TENM3: variants seen among roughly 807,000 people sequenced by gnomAD.
TENM3 encodes the protein teneurin transmembrane protein 3, also known as teneurin-3.
TENM3 carries 63 observed loss-of-function variants against 255.1 expected under a neutral mutation model. The observed-to-expected ratio is 0.25, with a 90% CI of 0.20 to 0.30. The LOEUF (loss-of-function observed/expected upper bound fraction) is 0.30, where lower values mean the gene tolerates loss of function less well. Ranked by LOEUF, TENM3 falls within the 10% of genes least tolerant of loss-of-function variation. TENM3 has a pLI of 1.00. For missense variants in TENM3, 2,929 were observed against 3,461.1 expected (o/e 0.85, Z 3.86); for synonymous variants, 1,306 against 1,322.3 (o/e 0.99, Z 0.27).
chr4:181,546,605 T>C, the TENM3 span, among the ~76,000 whole-genome samples: 1 of 140,436 alleles, frequency 7.1e-6, no homozygotes, highest in Non-Finnish European at 1.5e-5. Flanking sequence ...TCCCAGCTAC[T>C]CGGGAGGCTG....
chr4:182,310,769 C>T (rs748183761), intron 1 of TENM3, among the ~76,000 whole-genome samples: 4 of 152,014 alleles, frequency 2.6e-5, no homozygotes, highest in Admixed American at 6.5e-5. Flanking sequence ...TGCAGTGGCA[C>T]GATCTTGGCT....
the TENM3 span, among the ~76,000 whole-genome samples, chr4:181,576,153 G>A: frequency 5.3e-5 from 8 of 152,010 alleles, no homozygotes; most frequent in Admixed American, 4.6e-4. Flanking sequence ...CACATGCTAC[G>A]GCCATATGTA....
intron 1 of TENM3, among the ~76,000 whole-genome samples, chr4:182,217,069 A>G (rs1171625294): frequency 1.8e-5 from 2 of 113,498 alleles, no homozygotes; most frequent in African/African-American, 6.8e-5. Flanking sequence ...GTCCCAGGCT[A>G]GAGTGCAGTG....
At chr4:182,473,085 A>G (rs1308502968) in intron 3 of TENM3, among the ~76,000 whole-genome samples, 1 of 152,178 alleles carries the variant, frequency 6.6e-6, no homozygotes, top group Admixed American at 6.5e-5. Flanking sequence ...AATATTTTAC[A>G]TTATTTCTTC....
the TENM3 span, chr4:181,976,444 C>T: frequency 2.6e-5 from 4 of 152,188 alleles, no homozygotes; most frequent in African/African-American, 9.7e-5. Context: ...CATTGTGTCT[C>T]TGTACCACAT....
upstream of TENM3, among the ~76,000 whole-genome samples, chr4:182,141,032 C>T (rs554578043): frequency 1.3e-5 from 2 of 150,340 alleles, no homozygotes; most frequent in Non-Finnish European, 3.0e-5. Flanking sequence ...CCAAAGGCCC[C>T]AGGCATGCAT....
chr4:182,582,641 T>C (rs1378348327), intron 3 of TENM3, among the ~76,000 whole-genome samples: 1 of 152,152 alleles, frequency 6.6e-6, no homozygotes, highest in Non-Finnish European at 1.5e-5. Flanking sequence ...AGAGGAGAAC[T>C]ATATAAGTCC....
chr4:182,062,964 T>C, the TENM3 span, among the ~76,000 whole-genome samples: 26 of 152,224 alleles, frequency 1.7e-4, no homozygotes, highest in African/African-American at 6.0e-4. Context: ...AGTTATGTTG[T>C]TTTCCACAGA....
chr4:182,379,538 A>G (rs776275149), intron 3 of TENM3, among the ~76,000 whole-genome samples: 1 of 151,966 alleles, frequency 6.6e-6, no homozygotes, highest in Admixed American at 6.5e-5. Flanking sequence ...CTCGTCTGAG[A>G]CATTGTATAT....
At chr4:181,547,703 T>A in the TENM3 span, among the ~76,000 whole-genome samples, 3 of 152,224 alleles carry the variant, frequency 2.0e-5, no homozygotes, top group African/African-American at 4.8e-5. Context: ...AAACAATGCC[T>A]TAGTTATAGT....
intron 3 of TENM3, among the ~76,000 whole-genome samples, chr4:182,490,726 T>TTGGGTACATGTGGTACCAA (rs60482694): frequency 6.6e-6 from 1 of 152,042 alleles, no homozygotes; most frequent in Non-Finnish European, 1.5e-5. Flanking sequence ...GATGGTACCT[T>TTGGGTACATGTGGTACCAA]ATGAAGGGAC....
chr4:182,731,876 G>C (rs1360886503), intron 16 of TENM3, among the ~76,000 whole-genome samples: 1 of 151,740 alleles, frequency 6.6e-6, no homozygotes, highest in Admixed American at 6.6e-5. Context: ...CCACCTCCCG[G>C]GTTCACGCCA....
chr4:181,739,324 T>C, the TENM3 span, among the ~76,000 whole-genome samples: 1 of 152,202 alleles, frequency 6.6e-6, no homozygotes, highest in Non-Finnish European at 1.5e-5. Flanking sequence ...CTCCCCCACT[T>C]ACTCATAATG....
intron 1 of TENM3, among the ~76,000 whole-genome samples, chr4:182,149,184 C>G (rs1191719282): frequency 6.6e-6 from 1 of 151,874 alleles, no homozygotes; most frequent in Non-Finnish European, 1.5e-5. Flanking sequence ...GTTTTTCCAG[C>G]TTAAGACATC....
chr4:181,830,916 T>C, the TENM3 span, among the ~76,000 whole-genome samples: 5 of 152,170 alleles, frequency 3.3e-5, no homozygotes, highest in Admixed American at 3.3e-4. Flanking sequence ...CTTCCCTAAC[T>C]GTGTGCCTAA....
At chr4:182,276,790 C>T (rs761937345) in intron 1 of TENM3, among the ~76,000 whole-genome samples, 7 of 152,118 alleles carry the variant, frequency 4.6e-5, no homozygotes, top group Non-Finnish European at 7.3e-5. Context: ...TCATATATTT[C>T]GTCTGTATGT....
At chr4:182,182,933 T>C (rs1479348684) in intron 1 of TENM3, among the ~76,000 whole-genome samples, 1 of 152,216 alleles carries the variant, frequency 6.6e-6, no homozygotes. Context: ...AGGAAGACCC[T>C]GGACAAACCC....
chr4:182,144,466 AGGGGGAGCGC>A (rs2149546520), upstream of TENM3: 1 of 151,266 alleles, frequency 6.6e-6, no homozygotes, highest in South Asian at 2.1e-4. Context: ...GGGCGGGGAG[AGGGGGAGCGC>A]GGGGGAGAGA....
At chr4:181,984,929 C>A in the TENM3 span, among the ~76,000 whole-genome samples, 1 of 150,502 alleles carries the variant, frequency 6.6e-6, no homozygotes, top group Non-Finnish European at 1.5e-5. Context: ...TCTTTTAAAC[C>A]AAAGAACAGA....
Sources: gnomAD v4.1 joint callset for allele counts (sites outside exome capture counted in the v4.1 genomes callset) on GRCh38, gnomAD v4.1.1 for gene constraint, MANE v1.5 for transcripts, NCBI Gene and HGNC (gene_info 2026-07-23, HGNC 2026-07-21) for gene names.